Variants in TRAPPC9 observed in about 807,000 individuals in gnomAD.
The protein encoded by TRAPPC9 is trafficking protein particle complex subunit 9.
In TRAPPC9, 83 loss-of-function variants were observed where a neutral mutation model predicts 124.0. That is an observed-to-expected ratio of 0.67 (90% confidence interval 0.56 to 0.80). TRAPPC9 has a LOEUF of 0.80. Among genes scored for constraint, TRAPPC9 ranks in the 30% least tolerant of loss-of-function variants. TRAPPC9 has a pLI of 0.00. For missense variants in TRAPPC9, 1,302 were observed against 1,508.3 expected, an observed-to-expected ratio of 0.86 and a Z score of 2.27; for synonymous variants, 638 against 617.5, an observed-to-expected ratio of 1.03 and a Z score of -0.49.
At chr8:139,755,674 G>A (rs13281704) in intron 21 of TRAPPC9, among the ~76,000 whole-genome samples, 2 of 135,250 alleles carry the variant, frequency 1.5e-5, no homozygotes, top group East Asian at 2.4e-4. Context: ...ACAGCAGGTC[G>A]CAGGAGGAGC....
At chr8:140,002,106 C>T (rs935983624) in intron 18 of TRAPPC9, among the ~76,000 whole-genome samples, 9 of 151,870 alleles carry the variant, frequency 5.9e-5, no homozygotes, top group Non-Finnish European at 8.8e-5. Flanking sequence ...TTATCTAATA[C>T]CAAAACCAGA....
chr8:139,744,417 C>T (rs1818758068), intron 21 of TRAPPC9, among the ~76,000 whole-genome samples: 1 of 148,550 alleles, frequency 6.7e-6, no homozygotes, highest in African/African-American at 2.5e-5. Context: ...TCTCAGGGTG[C>T]TGGAGCCCAA....
intron 21 of TRAPPC9, among the ~76,000 whole-genome samples, chr8:139,751,595 C>G (rs958080801): frequency 7.9e-5 from 12 of 152,150 alleles, no homozygotes; most frequent in Non-Finnish European, 1.8e-4. Flanking sequence ...GCCTAGGTAT[C>G]TGGACTCCCA....
chr8:139,876,632 C>T lies in TRAPPC9; in HGVS notation c.3055+9247G>A, dbSNP rs773902988. Among the ~76,000 whole-genome samples, 9 of 152,298 alleles carry T rather than the reference C, an allele frequency of 5.9e-5. No homozygotes were observed. In the South Asian group the frequency reaches 6.2e-4, roughly 11 times the overall value. ...TGGGTCCCCAGCACTGAGGACAGTG[C>T]CTGGTGCAGAGTAGTGATCAACAGA... On this transcript the variant is annotated intron_variant, in intron 21 of 22. Transcript: ENST00000438773.
chr8:140,113,407 A>G (rs1467050268), intron 17 of TRAPPC9, among the ~76,000 whole-genome samples: 1 of 152,252 alleles, frequency 6.6e-6, no homozygotes, highest in Non-Finnish European at 1.5e-5. Context: ...GAATGAAATG[A>G]CACAGATGTT....
chr8:140,034,696 A>G (rs1302079249), intron 17 of TRAPPC9, among the ~76,000 whole-genome samples: 1 of 152,268 alleles, frequency 6.6e-6, no homozygotes, highest in South Asian at 2.1e-4. Flanking sequence ...TGCTCCAGGC[A>G]CTGTGAGCAG....
At chr8:140,318,112 A>C (rs2066488135) in intron 9 of TRAPPC9, among the ~76,000 whole-genome samples, 1 of 152,244 alleles carries the variant, frequency 6.6e-6, no homozygotes, top group Non-Finnish European at 1.5e-5. Flanking sequence ...AATTCAGCAA[A>C]TTTAAAAAGC....
chr8:140,242,932 CAAG>C (rs1308728865), intron 16 of TRAPPC9, among the ~76,000 whole-genome samples: 3 of 151,988 alleles, frequency 2.0e-5, no homozygotes, highest in Non-Finnish European at 2.9e-5. Flanking sequence ...CGGAAAAGTA[CAAG>C]AAGGATGAAA....
At chr8:140,449,926 G>GT (rs1423072189) in intron 2 of TRAPPC9, among the ~76,000 whole-genome samples, 3 of 152,198 alleles carry the variant, frequency 2.0e-5, no homozygotes, top group Non-Finnish European at 4.4e-5. Context: ...TGCAAGCCAC[G>GT]TAAGTACATT....
chr8:140,075,156 G>GA (rs545731879), intron 17 of TRAPPC9, among the ~76,000 whole-genome samples: 205 of 152,236 alleles, frequency 1.3e-3, no homozygotes, highest in African/African-American at 4.5e-3. Flanking sequence ...GGTGACTCCA[G>GA]AAAAACACCA....
intron 18 of TRAPPC9, among the ~76,000 whole-genome samples, chr8:140,018,928 A>T (rs2131891675): frequency 6.6e-6 from 1 of 152,360 alleles, no homozygotes; most frequent in East Asian, 1.9e-4. Flanking sequence ...TAAGTATAAC[A>T]TTAACTGTGG....
chr8:140,410,188 T>G (rs944104566), intron 5 of TRAPPC9, among the ~76,000 whole-genome samples: 1 of 149,170 alleles, frequency 6.7e-6, no homozygotes, highest in Non-Finnish European at 1.5e-5. Context: ...GAAGTGGCAC[T>G]TCTCTGGGTA....
At chr8:140,247,965 T>C (rs2064027510) in intron 16 of TRAPPC9, among the ~76,000 whole-genome samples, 1 of 152,244 alleles carries the variant, frequency 6.6e-6, no homozygotes, top group African/African-American at 2.4e-5. Context: ...TAGCTCATTA[T>C]GGGTTTTTGT....
intron 17 of TRAPPC9, chr8:140,099,486 A>C (rs543458003): frequency 1.3e-5 from 2 of 149,134 alleles, no homozygotes; most frequent in Non-Finnish European, 3.0e-5. Flanking sequence ...ACGCACAGCT[A>C]GGTCTCAGCT....
chr8:139,792,197 C>G (rs1822738757), intron 21 of TRAPPC9, among the ~76,000 whole-genome samples: 1 of 152,198 alleles, frequency 6.6e-6, no homozygotes, highest in Non-Finnish European at 1.5e-5. Flanking sequence ...GACACTCAGA[C>G]AGCAGGTTTA....
At chr8:140,140,089 C>T (rs2061361410) in intron 17 of TRAPPC9, among the ~76,000 whole-genome samples, 1 of 152,118 alleles carries the variant, frequency 6.6e-6, no homozygotes, top group Non-Finnish European at 1.5e-5. Flanking sequence ...GCTGTGTGTC[C>T]CACGAGGGCA....
chr8:139,789,781 C>T (rs1043739878), intron 21 of TRAPPC9, among the ~76,000 whole-genome samples: 1 of 152,106 alleles, frequency 6.6e-6, no homozygotes, highest in East Asian at 1.9e-4. Flanking sequence ...TTAGGAAAAC[C>T]GAGAGAATCA....
intron 17 of TRAPPC9, among the ~76,000 whole-genome samples, chr8:140,072,573 A>AAGG (rs1335172252): frequency 3.0e-5 from 1 of 32,972 alleles, no homozygotes; most frequent in African/African-American, 1.0e-4. Flanking sequence ...AGGAGAAAGG[A>AAGG]AGGAGGAGGA....
chr8:139,757,647 G>C (rs1383450072), intron 21 of TRAPPC9, among the ~76,000 whole-genome samples: 1 of 152,048 alleles, frequency 6.6e-6, no homozygotes, highest in African/African-American at 2.4e-5. Context: ...GTGCCTGTCA[G>C]TGCCATCTAG....
Sources: gnomAD v4.1 joint callset for allele counts (sites outside exome capture counted in the v4.1 genomes callset) on GRCh38, gnomAD v4.1.1 for gene constraint, MANE v1.5 for transcripts, NCBI Gene and HGNC (gene_info 2026-07-23, HGNC 2026-07-21) for gene names.